The following ALCAM variants were observed in gnomAD, a reference collection of about 807,000 sequenced individuals.
ALCAM encodes the protein CD166 antigen.
Under a neutral mutation model 70.9 loss-of-function variants are expected in ALCAM, and 30 were observed. The observed-to-expected ratio is 0.42, with a 90% CI of 0.32 to 0.57. ALCAM has a LOEUF of 0.57. Among genes scored for constraint, ALCAM ranks in the 20% least tolerant of loss-of-function variants. ALCAM has a pLI of 0.11. For synonymous variants in ALCAM, 249 were observed against 242.5 expected (o/e 1.03, Z -0.25); for missense variants, 591 against 695.1 (o/e 0.85, Z 1.68).
At chr3:105,420,655 G>A (rs1559785748) in intron 1 of ALCAM, among the ~76,000 whole-genome samples, 1 of 151,648 alleles carries the variant, frequency 6.6e-6, no homozygotes. Context: ...CCACCATTTA[G>A]AGAAAGTCTA....
intron 1 of ALCAM, among the ~76,000 whole-genome samples, chr3:105,395,927 T>A (rs966968988): frequency 6.6e-6 from 1 of 151,984 alleles, no homozygotes; most frequent in Non-Finnish European, 1.5e-5. Context: ...ATAAACATAG[T>A]TTGCCTAGTT....
intron 1 of ALCAM, among the ~76,000 whole-genome samples, chr3:105,389,381 T>TTTTTG (rs1935746294): frequency 7.7e-6 from 1 of 130,258 alleles, no homozygotes; most frequent in Admixed American, 7.7e-5. Flanking sequence ...GTTTTTTTTT[T>TTTTTG]TTTTTTTTTT....
chr3:105,470,134 C>CATAT (rs1559802424), intron 1 of ALCAM, among the ~76,000 whole-genome samples: 2 of 39,646 alleles, frequency 5.0e-5, no homozygotes, highest in Non-Finnish European at 9.5e-5. Context: ...TATATACATA[C>CATAT]ACACACACAC....
At chr3:105,550,496 A>G (rs1160603227) in intron 12 of ALCAM, among the ~76,000 whole-genome samples, 2 of 151,498 alleles carry the variant, frequency 1.3e-5, no homozygotes, top group African/African-American at 4.8e-5. Context: ...CTTATCCTGT[A>G]CAGGAATAGT....
intron 1 of ALCAM, among the ~76,000 whole-genome samples, chr3:105,420,283 A>T (rs1377980004): frequency 6.6e-6 from 1 of 151,622 alleles, no homozygotes; most frequent in Non-Finnish European, 1.5e-5. Context: ...TGGTCTTCTC[A>T]GTATTTTTAA....
chr3:105,540,522 G>A (rs1295188514), intron 7 of ALCAM, among the ~76,000 whole-genome samples: 1 of 151,966 alleles, frequency 6.6e-6, no homozygotes, highest in East Asian at 1.9e-4. Context: ...GTTATATTTA[G>A]GATAATGCTA....
chr3:105,515,978 T>C (rs371965202), intron 1 of ALCAM, among the ~76,000 whole-genome samples: 10 of 152,052 alleles, frequency 6.6e-5, no homozygotes, highest in African/African-American at 2.4e-4. Context: ...TCTGAGTCCA[T>C]TGTAGTTGCA....
chr3:105,417,429 A>C (rs1267697471), intron 1 of ALCAM, among the ~76,000 whole-genome samples: 1 of 151,462 alleles, frequency 6.6e-6, no homozygotes, highest in Admixed American at 6.6e-5. Context: ...CATAGATGAA[A>C]AATAGATATT....
chr3:105,369,586 G>GT (rs1935173189), intron 1 of ALCAM, among the ~76,000 whole-genome samples: 1 of 152,260 alleles, frequency 6.6e-6, no homozygotes, highest in African/African-American at 2.4e-5. Flanking sequence ...GTCTTGGACA[G>GT]TAAGTGCGCC....
chr3:105,441,811 G>T (rs1024551302), intron 1 of ALCAM, among the ~76,000 whole-genome samples: 1 of 152,102 alleles, frequency 6.6e-6, no homozygotes, highest in Non-Finnish European at 1.5e-5. Context: ...GACGATAAAA[G>T]AATTAGTTGA....
At position 105,533,619 on chromosome 3, in the gene ALCAM, C is replaced by T. The variant is rs1175461629; in HGVS notation, c.476C>T (p.Ser159Leu). The T allele has an allele frequency of 2.5e-6, 4 of 1,611,628 alleles. No homozygotes were observed. Among genetic ancestry groups the T allele is most frequent in the Non-Finnish European group, 3.4e-6 (4 of 1,178,288 alleles). Residue 159 changes from serine (S) to leucine (L), a missense_variant, in exon 5 of 16, where the codon TCA becomes TTA. Ser to Leu is a moderately radical substitution (Grantham distance 145). Coordinates refer to ENST00000306107, the MANE Select transcript of ALCAM (RefSeq NM_001627.4). ...EQLKKLGDCI[S>L]EDSYPDGNIT... ...ATTTTGCAGTTGGGTGACTGCATTT[C>T]AGAAGACAGTTATCCAGATGGCAAT...
intron 1 of ALCAM, among the ~76,000 whole-genome samples, chr3:105,460,180 C>T (rs73185115): frequency 0.15 from 23,015 of 151,812 alleles, 1,861 homozygotes; most frequent in Middle Eastern, 0.18. Flanking sequence ...TTAAGGGAAA[C>T]CTTTTTTCCC....
chr3:105,443,842 T>G (rs1412391075), intron 1 of ALCAM, among the ~76,000 whole-genome samples: 1 of 152,210 alleles, frequency 6.6e-6, no homozygotes, highest in African/African-American at 2.4e-5. Flanking sequence ...AATCAAATGT[T>G]TCTATAATGC....
chr3:105,573,309 A>C (rs1372016148), intron 15 of ALCAM, among the ~76,000 whole-genome samples: 2 of 152,254 alleles, frequency 1.3e-5, no homozygotes, highest in Non-Finnish European at 2.9e-5. Flanking sequence ...TCTGGGTGAC[A>C]GAATGAGATT....
chr3:105,543,724 A>G (rs1272867139), intron 8 of ALCAM, among the ~76,000 whole-genome samples: 1 of 151,626 alleles, frequency 6.6e-6, no homozygotes, highest in Non-Finnish European at 1.5e-5. Flanking sequence ...ATTGTCCTGT[A>G]AAATTGTTTA....
chr3:105,466,160 T>C (rs1937727225), intron 1 of ALCAM, among the ~76,000 whole-genome samples: 1 of 151,504 alleles, frequency 6.6e-6, no homozygotes, highest in Non-Finnish European at 1.5e-5. Flanking sequence ...TGCTCCATGA[T>C]TATGTCTTCT....
At chr3:105,383,303 T>C (rs556578691) in intron 1 of ALCAM, among the ~76,000 whole-genome samples, 1 of 151,864 alleles carries the variant, frequency 6.6e-6, no homozygotes, top group Admixed American at 6.6e-5. Context: ...GTCTACTTAA[T>C]CTTTTTTCTA....
intron 14 of ALCAM, among the ~76,000 whole-genome samples, chr3:105,559,623 A>G (rs1940591616): frequency 6.6e-6 from 1 of 152,138 alleles, no homozygotes; most frequent in African/African-American, 2.4e-5. Flanking sequence ...TCAGGGGGAC[A>G]CAAACATTCA....
At position 105,473,743 on chromosome 3, in the gene ALCAM, G is replaced by A. The variant is rs148199557; in HGVS notation, c.74-46324G>A. On this transcript the variant is annotated intron_variant, in intron 1 of 15. Transcript: ENST00000306107. ...TATGACTAAGGAGTGTGTGTATAGG[G>A]CTCCCATCCACAGGATTTCATGGCA... 5.2e-3 allele frequency among the ~76,000 whole-genome samples: 786 copies of A among 151,494 alleles called. 4 individuals carry two copies. Among genetic ancestry groups the A allele is most frequent in the African/African-American group, 0.017 (710 of 41,406 alleles).
Sources: allele counts gnomAD v4.1 joint callset (sites outside exome capture counted in the v4.1 genomes callset), GRCh38; gene constraint gnomAD v4.1.1; transcripts MANE v1.5; gene names NCBI Gene and HGNC (gene_info 2026-07-23, HGNC 2026-07-21).